FBXO34: variants seen among roughly 807,000 people sequenced by gnomAD.
FBXO34 encodes the protein F-box only protein 34.
Under a neutral mutation model 24.5 loss-of-function variants are expected in FBXO34, and 12 were observed. That is an observed-to-expected ratio of 0.49 (90% CI 0.31 to 0.79). FBXO34 has a LOEUF of 0.79. Among genes scored for constraint, FBXO34 ranks in the 30% least tolerant of loss-of-function variants. The pLI is 0.04. For synonymous variants in FBXO34, 320 were observed against 311.9 expected (o/e 1.03, Z -0.27); for missense variants, 823 against 857.7 (o/e 0.96, Z 0.51).
chr14:55,375,488 AAATTTTTTT>A, the FBXO34 span, among the ~76,000 whole-genome samples: 1 of 111,538 alleles, frequency 9.0e-6, no homozygotes, highest in African/African-American at 3.9e-5. Flanking sequence ...ACGCCGGGCT[AAATTTTTTT>A]TTTTTTTTTT....
the FBXO34 span, among the ~76,000 whole-genome samples, chr14:55,387,763 G>A: frequency 6.6e-5 from 10 of 151,852 alleles, no homozygotes; most frequent in Admixed American, 3.3e-4. Flanking sequence ...CCGCCTCCCG[G>A]GTTCAATTGA....
the FBXO34 span, chr14:55,385,764 C>G: frequency 4.1e-5 from 44 of 1,085,354 alleles, no homozygotes; most frequent in Non-Finnish European, 5.6e-5. Flanking sequence ...AACCAATGAC[C>G]CTAGAATAAG....
In FBXO34 at chr14:55,331,699, ATATATG is replaced by A. The variant is rs1451247804; in HGVS notation, c.-10-18676_-10-18671del. 1.7e-3 allele frequency among the ~76,000 whole-genome samples: 113 copies of A among 66,648 alleles called. 16 individuals are homozygous for A. Among genetic ancestry groups the A allele is most frequent in the African/African-American group, 0.013 (87 of 6,554 alleles). The allele number at this position is 66,648 out of a possible 152,430, so 43.7% of individuals were successfully genotyped here. Reference sequence around the variant, plus strand: ...TATATATATATGTGTATATATATATATATATGTATATATATATGTATATATATATGT... The same window carrying A: ...TATATATATATGTGTATATATATATATATATATATATGTATATATATATGT... On this transcript the variant is annotated intron_variant, in intron 1 of 1. Coordinates refer to ENST00000313833, the MANE Select transcript of FBXO34 (RefSeq NM_017943.4).
intron 1 of FBXO34, among the ~76,000 whole-genome samples, chr14:55,300,850 C>T (rs1215418453): frequency 6.6e-6 from 1 of 152,174 alleles, no homozygotes; most frequent in Non-Finnish European, 1.5e-5. Context: ...ATTATTCTGT[C>T]TAGAATGAAT....
chr14:55,294,166 C>A (rs562793456), intron 1 of FBXO34, among the ~76,000 whole-genome samples: 4 of 152,042 alleles, frequency 2.6e-5, no homozygotes, highest in African/African-American at 7.2e-5. Flanking sequence ...TAGCAGTTAC[C>A]TCCTTGAAAC....
At chr14:55,426,267 C>CAA in the FBXO34 span, among the ~76,000 whole-genome samples, 41 of 128,394 alleles carry the variant, frequency 3.2e-4, no homozygotes, top group Non-Finnish European at 3.8e-4. Context: ...AACTCCATCT[C>CAA]AAAAAAAAAA....
At chr14:55,295,260 C>A (rs1882078700) in intron 1 of FBXO34, among the ~76,000 whole-genome samples, 1 of 152,086 alleles carries the variant, frequency 6.6e-6, no homozygotes. Flanking sequence ...GCTTTCTGCA[C>A]AGTGCGGTGT....
chr14:55,327,199 CACA>C lies in FBXO34; in HGVS notation c.-10-23178_-10-23176del, dbSNP rs558986089. Among the ~76,000 whole-genome samples the C allele has an allele frequency of 1.3e-3, 198 of 152,232 alleles. 1 individual carries two copies. In the Middle Eastern group the frequency reaches 0.017, roughly 13 times the overall value. ...TATCTGGGGAAGGAGCAGAGGGAAC[CACA>C]ACATGTAAAGGCTCTGAGGTGGGAT... On this transcript the variant is annotated intron_variant, in intron 1 of 1. Transcript: ENST00000313833.
chr14:55,440,068 C>G, the FBXO34 span, among the ~76,000 whole-genome samples: 1 of 152,038 alleles, frequency 6.6e-6, no homozygotes, highest in African/African-American at 2.4e-5. Context: ...CCACTGCACT[C>G]CAGCCTGGGC....
At chr14:55,359,302 C>G (rs1456424893) in intron 3 of FBXO34, among the ~76,000 whole-genome samples, 1 of 152,032 alleles carries the variant, frequency 6.6e-6, no homozygotes, top group Non-Finnish European at 1.5e-5. Flanking sequence ...ACTTGATGAT[C>G]CCTAGGAGGC....
intron 1 of FBXO34, among the ~76,000 whole-genome samples, chr14:55,333,478 C>A (rs114799394): frequency 0.012 from 1,832 of 152,172 alleles, 43 homozygotes; most frequent in African/African-American, 0.041. Context: ...CAATCTAGAA[C>A]CAGGGAAGTG....
the FBXO34 span, among the ~76,000 whole-genome samples, chr14:55,400,626 G>A: frequency 0.01 from 1,533 of 152,266 alleles, 10 homozygotes; most frequent in Middle Eastern, 0.024. Context: ...AAACTGGGCC[G>A]GTGCGGTGGC....
intron 1 of FBXO34, among the ~76,000 whole-genome samples, chr14:55,323,225 A>ATAT (rs1555337925): frequency 0.017 from 335 of 19,198 alleles, 20 homozygotes; most frequent in East Asian, 0.044. Context: ...AAAAATATAT[A>ATAT]TTTTTTTTTT....
chr14:55,442,489 T>C, the FBXO34 span, among the ~76,000 whole-genome samples: 1 of 152,130 alleles, frequency 6.6e-6, no homozygotes, highest in Non-Finnish European at 1.5e-5. Flanking sequence ...TTTTAATGTC[T>C]CTGTACCAAG....
At chr14:55,291,280 C>G (rs1271732030) in intron 1 of FBXO34, among the ~76,000 whole-genome samples, 4 of 152,180 alleles carry the variant, frequency 2.6e-5, no homozygotes, top group African/African-American at 9.7e-5. Context: ...GAGGGTAGCT[C>G]TAATTTGCCT....
At chr14:55,364,431 G>GTGT (rs1349382566), downstream of FBXO34, among the ~76,000 whole-genome samples, 1 of 151,818 alleles carries the variant, frequency 6.6e-6, no homozygotes, top group Non-Finnish European at 1.5e-5. Context: ...TTCTGGTTTT[G>GTGT]TGTTGTTGTT....
the FBXO34 span, among the ~76,000 whole-genome samples, chr14:55,434,343 C>T: frequency 1.3e-5 from 2 of 152,156 alleles, no homozygotes; most frequent in Admixed American, 6.5e-5. Context: ...GGCTGACACT[C>T]GTGAGGGTAG....
At chr14:55,368,020 C>T (rs188480225) in exon 3 of FBXO34, 105 of 152,732 alleles carry the variant, frequency 6.9e-4, no homozygotes, top group Middle Eastern at 6.8e-3. Context: ...ATGCCAATCA[C>T]ATAAGATATG....
chr14:55,336,733 T>C (rs980862681), intron 1 of FBXO34, among the ~76,000 whole-genome samples: 1 of 151,992 alleles, frequency 6.6e-6, no homozygotes, highest in South Asian at 2.1e-4. Context: ...CCAGACATTA[T>C]ATCATTTAAT....
Sources: gnomAD v4.1 joint callset for allele counts (sites outside exome capture counted in the v4.1 genomes callset) on GRCh38, gnomAD v4.1.1 for gene constraint, MANE v1.5 for transcripts, NCBI Gene and HGNC (gene_info 2026-07-23, HGNC 2026-07-21) for gene names.